CUL2: variants seen among roughly 807,000 people sequenced by gnomAD.
The protein encoded by CUL2 is cullin-2.
In CUL2, 22 loss-of-function variants were observed where a neutral mutation model predicts 110.2. The observed-to-expected ratio is 0.20, with a 90% CI of 0.14 to 0.28. CUL2 has a LOEUF of 0.28. CUL2 is among the 10% of genes least tolerant of loss of function. CUL2 has a pLI of 1.00. For missense variants in CUL2, 631 were observed against 905.5 expected, an observed-to-expected ratio of 0.70 and a Z score of 3.89; for synonymous variants, 279 against 293.2, an observed-to-expected ratio of 0.95 and a Z score of 0.49.
In CUL2 at chr10:35,112,239, G is replaced by A. The variant is rs142138525; in HGVS notation, c.-50-11179C>T. Among the ~76,000 whole-genome samples, 276 of 152,268 alleles carry A rather than the reference G, an allele frequency of 1.8e-3. 3 individuals are homozygous for A. Among genetic ancestry groups the A allele is most frequent in the East Asian group, 0.01 (53 of 5,186 alleles). ...CGTCTGCTGGAACTCTGCTTTCAGC[G>A]AAGATGGAAAGACCAGAACTGGATT... On this transcript the variant is annotated intron_variant, in intron 1 of 5. Transcript: ENST00000685421.
At chr10:35,118,660 G>A (rs942748426) in intron 1 of CUL2, 2 of 107,890 alleles carry the variant, frequency 1.9e-5, no homozygotes, top group African/African-American at 6.9e-5. Flanking sequence ...ATGGTCCTCA[G>A]ATGTTTCATG....
At chr10:35,065,646 A>T (rs1189969854) in intron 2 of CUL2, among the ~76,000 whole-genome samples, 1 of 151,628 alleles carries the variant, frequency 6.6e-6, no homozygotes, top group Non-Finnish European at 1.5e-5. Context: ...TAAAAATTTA[A>T]AAAAAGAGAT....
At chr10:35,080,845 G>A (rs1455347049) in intron 1 of CUL2, among the ~76,000 whole-genome samples, 2 of 152,098 alleles carry the variant, frequency 1.3e-5, no homozygotes, top group African/African-American at 4.8e-5. Context: ...GTATACTGCA[G>A]GAAAACATCT....
At position 35,071,336 on chromosome 10, in the gene CUL2, A is replaced by G. The variant is rs1467424053; in HGVS notation, c.-19T>C. 3 of 1,604,634 alleles carry G rather than the reference A, an allele frequency of 1.9e-6. No individual in the cohort carries two copies. In the South Asian group the frequency reaches 3.3e-5, roughly 18 times the overall value. ...AAGACATTGTGCAAGTGTAGTGTTG[A>G]AATCTGTCAATTAAAAAACAATAAC... is the stretch of plus-strand genomic sequence containing the variant. On this transcript the variant is annotated 5_prime_UTR_variant, in exon 2 of 21. Transcript: ENST00000374749.
chr10:35,072,629 A>C (rs1276673675), intron 1 of CUL2, among the ~76,000 whole-genome samples: 1 of 152,142 alleles, frequency 6.6e-6, no homozygotes, highest in Non-Finnish European at 1.5e-5. Flanking sequence ...CGGCCTCCCA[A>C]AGTGCAGGGA....
intron 4 of CUL2, among the ~76,000 whole-genome samples, chr10:35,060,391 C>T (rs959168281): frequency 6.6e-6 from 1 of 152,182 alleles, no homozygotes; most frequent in Non-Finnish European, 1.5e-5. Flanking sequence ...CATTAGGAAA[C>T]TACAAGTAAT....
chr10:35,114,010 C>G (rs377058841), intron 1 of CUL2, among the ~76,000 whole-genome samples: 1 of 151,606 alleles, frequency 6.6e-6, no homozygotes, highest in Non-Finnish European at 1.5e-5. Context: ...TGGATTCACG[C>G]CATTCTCCTG....
chr10:35,023,123 A>G (rs537032674), intron 17 of CUL2, among the ~76,000 whole-genome samples: 33 of 152,238 alleles, frequency 2.2e-4, no homozygotes, highest in African/African-American at 7.9e-4. Context: ...ACAAATAAAG[A>G]TAAGTGAGAA....
At chr10:35,105,649 A>G (rs1407092370) in intron 1 of CUL2, among the ~76,000 whole-genome samples, 1 of 151,624 alleles carries the variant, frequency 6.6e-6, no homozygotes, top group Non-Finnish European at 1.5e-5. Flanking sequence ...CAGAGGTTGC[A>G]GTGAGCCGAG....
chr10:35,034,969 C>A (rs950537712), intron 10 of CUL2, among the ~76,000 whole-genome samples: 2 of 152,234 alleles, frequency 1.3e-5, no homozygotes, highest in Admixed American at 1.3e-4. Context: ...GGCTAAGCAG[C>A]AGCCTATCAA....
Position 35,017,387 on chromosome 10 carries a change from T to C in CUL2, c.1685-993A>G, listed in dbSNP as rs529561472. ...AAAAATGAAAAACATTTAATCTGAATGTTTTCATAAATATGTTCTATATGT... is the reference window on the plus strand; with the variant it reads ...AAAAATGAAAAACATTTAATCTGAACGTTTTCATAAATATGTTCTATATGT... On this transcript the variant is annotated intron_variant, in intron 17 of 20. Coordinates refer to ENST00000374749, the MANE Select transcript of CUL2 (RefSeq NM_003591.4). Among the ~76,000 whole-genome samples, 7 of 151,932 alleles carry C rather than the reference T, an allele frequency of 4.6e-5. No individual in the cohort carries two copies. The South Asian group carries it at 1.5e-3, about 31-fold the overall frequency.
At chr10:35,052,262 A>G (rs961581528) in intron 5 of CUL2, among the ~76,000 whole-genome samples, 1 of 152,126 alleles carries the variant, frequency 6.6e-6, no homozygotes, top group Admixed American at 6.5e-5. Context: ...TTCTTTCTTA[A>G]TAGCATGAAT....
intron 8 of CUL2, among the ~76,000 whole-genome samples, chr10:35,041,493 C>G (rs2085786860): frequency 1.3e-5 from 2 of 152,076 alleles, no homozygotes; most frequent in Admixed American, 1.3e-4. Context: ...AGGGTTTTGC[C>G]CTTGAAGCTA....
chr10:35,071,623 T>C (rs902921247), intron 1 of CUL2, among the ~76,000 whole-genome samples: 1 of 152,212 alleles, frequency 6.6e-6, no homozygotes, highest in Non-Finnish European at 1.5e-5. Context: ...TTAGCCAGGA[T>C]GGTCTTGATC....
chr10:35,108,460 AAAAAAAAG>A (rs2087490140), intron 1 of CUL2, among the ~76,000 whole-genome samples: 1 of 152,082 alleles, frequency 6.6e-6, no homozygotes, highest in Admixed American at 6.6e-5. Flanking sequence ...GACTCAAAAA[AAAAAAAAG>A]GAAAAAAAGA....
At chr10:35,036,186 G>A (rs573155983) in intron 9 of CUL2, among the ~76,000 whole-genome samples, 2 of 152,158 alleles carry the variant, frequency 1.3e-5, no homozygotes, top group African/African-American at 4.8e-5. Flanking sequence ...TTTGAACTAC[G>A]TATAAAAATG....
intron 19 of CUL2, among the ~76,000 whole-genome samples, 186 bp downstream of exon 19, chr10:35,013,513 C>G (rs1250309429): frequency 6.6e-6 from 1 of 152,060 alleles, no homozygotes; most frequent in Non-Finnish European, 1.5e-5. Flanking sequence ...TTAGAAAAAA[C>G]TAAAATACAA....
intron 3 of CUL2, among the ~76,000 whole-genome samples, chr10:35,061,488 T>C (rs4934710): frequency 0.31 from 45,820 of 149,910 alleles, 7,310 homozygotes; most frequent in South Asian, 0.35. Context: ...ATCACACTTA[T>C]AATGTAACCT....
chr10:35,043,290 C>G (rs1018913999), intron 8 of CUL2, among the ~76,000 whole-genome samples: 1 of 151,526 alleles, frequency 6.6e-6, no homozygotes, highest in African/African-American at 2.4e-5. Context: ...GGGGCTGGAT[C>G]TAGAGGCTTC....
Sources: gnomAD v4.1 joint callset for allele counts (sites outside exome capture counted in the v4.1 genomes callset) on GRCh38, gnomAD v4.1.1 for gene constraint, MANE v1.5 for transcripts, NCBI Gene and HGNC (gene_info 2026-07-23, HGNC 2026-07-21) for gene names.